Variants in GRIA4 observed in about 807,000 individuals in gnomAD.
The protein encoded by GRIA4 is glutamate receptor 4.
A neutral mutation model predicts 104.0 loss-of-function variants in GRIA4; 34 were observed. That is an observed-to-expected ratio of 0.33 (90% CI 0.25 to 0.44). The LOEUF (loss-of-function observed/expected upper bound fraction) is 0.44, where lower values mean the gene tolerates loss of function less well. GRIA4 is among the 20% of genes least tolerant of loss of function. GRIA4 has a pLI of 1.00. For synonymous variants in GRIA4, 386 were observed against 381.9 expected (o/e 1.01, Z -0.13); for missense variants, 750 against 1,096.5 (o/e 0.68, Z 4.46).
chr11:105,796,956 G>C (rs185946128), intron 4 of GRIA4, among the ~76,000 whole-genome samples: 1 of 152,094 alleles, frequency 6.6e-6, no homozygotes, highest in African/African-American at 2.4e-5. Flanking sequence ...CGCTGGCCAG[G>C]CATGGTGGCT....
chr11:105,801,295 A>G (rs957587536), intron 4 of GRIA4, among the ~76,000 whole-genome samples: 2 of 151,802 alleles, frequency 1.3e-5, no homozygotes, highest in African/African-American at 4.8e-5. Context: ...TTAGATTGTG[A>G]TATTGAATGT....
intron 14 of GRIA4, among the ~76,000 whole-genome samples, chr11:105,953,149 A>T (rs940980178): frequency 6.6e-6 from 1 of 152,252 alleles, no homozygotes; most frequent in African/African-American, 2.4e-5. Context: ...CTACTCTTCG[A>T]GGCTAAATAG....
chr11:105,849,747 T>C (rs1944730318), intron 4 of GRIA4, among the ~76,000 whole-genome samples: 1 of 152,184 alleles, frequency 6.6e-6, no homozygotes, highest in South Asian at 2.1e-4. Context: ...TCCTTTTCTT[T>C]CTGCAAGCTT....
At chr11:105,932,047 C>CT (rs199671973) in intron 13 of GRIA4, among the ~76,000 whole-genome samples, 8,879 of 144,702 alleles carry the variant, frequency 0.061, 326 homozygotes, top group Middle Eastern at 0.12. Context: ...GAGGTCTTCA[C>CT]TTTTTTTTTT....
intron 5 of GRIA4, among the ~76,000 whole-genome samples, chr11:105,883,276 C>CTTT (rs57069838): frequency 7.2e-6 from 1 of 138,146 alleles, no homozygotes; most frequent in South Asian, 2.3e-4. Context: ...TGCACCGTTT[C>CTTT]TTTTTTTTTT....
chr11:105,905,445 A>G (rs1182165603), intron 9 of GRIA4, 144 bp downstream of exon 9: 2 of 582,874 alleles, frequency 3.4e-6, no homozygotes, highest in Non-Finnish European at 6.1e-6. Context: ...TTTATAATCA[A>G]TGCTGTGATA....
intron 7 of GRIA4, among the ~76,000 whole-genome samples, chr11:105,900,655 C>T (rs988926159): frequency 2.0e-5 from 3 of 152,086 alleles, no homozygotes; most frequent in Admixed American, 6.5e-5. Context: ...GTCGCGATCT[C>T]GCCCCTCACT....
chr11:105,930,278 C>G (rs1711529471), intron 13 of GRIA4, among the ~76,000 whole-genome samples: 1 of 152,072 alleles, frequency 6.6e-6, no homozygotes, highest in Non-Finnish European at 1.5e-5. Context: ...TCCCATTGTC[C>G]TGTGTATATG....
At chr11:105,788,215 A>G (rs1307592526) in intron 4 of GRIA4, among the ~76,000 whole-genome samples, 1 of 152,192 alleles carries the variant, frequency 6.6e-6, no homozygotes, top group African/African-American at 2.4e-5. Context: ...GATAACTAAG[A>G]CATTTTATTA....
At chr11:105,809,807 T>C (rs1199043768) in intron 4 of GRIA4, among the ~76,000 whole-genome samples, 1 of 152,128 alleles carries the variant, frequency 6.6e-6, no homozygotes, top group Non-Finnish European at 1.5e-5. Flanking sequence ...AGTGTGAGAA[T>C]GGACTAGTAC....
chr11:105,942,109 A>C (rs962046724), intron 14 of GRIA4, among the ~76,000 whole-genome samples: 1 of 152,048 alleles, frequency 6.6e-6, no homozygotes, highest in Non-Finnish European at 1.5e-5. Flanking sequence ...TTAAAATGAA[A>C]CCGTGTATCC....
intron 5 of GRIA4, among the ~76,000 whole-genome samples, chr11:105,867,773 TAAG>T (rs1945479474): frequency 6.6e-6 from 1 of 152,180 alleles, no homozygotes; most frequent in Non-Finnish European, 1.5e-5. Flanking sequence ...GCTATAGTTA[TAAG>T]GAGGAGGAGT....
intron 9 of GRIA4, among the ~76,000 whole-genome samples, chr11:105,908,177 A>T (rs547663295): frequency 6.6e-6 from 1 of 152,270 alleles, no homozygotes; most frequent in South Asian, 2.1e-4. Context: ...ATTTTCTCAC[A>T]TATCTTAGTA....
At chr11:105,643,136 G>A (rs555760705) in intron 3 of GRIA4, among the ~76,000 whole-genome samples, 1 of 152,258 alleles carries the variant, frequency 6.6e-6, no homozygotes, top group South Asian at 2.1e-4. Flanking sequence ...CCCATGACAA[G>A]TGGAGATTAT....
intron 10 of GRIA4, among the ~76,000 whole-genome samples, chr11:105,915,337 G>C (rs1256779498): frequency 6.6e-6 from 1 of 152,102 alleles, no homozygotes; most frequent in Non-Finnish European, 1.5e-5. Flanking sequence ...TCTAGTCTTT[G>C]TTGGTTTGCT....
chr11:105,756,620 C>T (rs12284317), intron 4 of GRIA4, among the ~76,000 whole-genome samples: 20,014 of 150,668 alleles, frequency 0.13, 1,425 homozygotes, highest in Admixed American at 0.22. Context: ...GTTTTAATAA[C>T]TCAGAAAAAA....
chr11:105,680,150 T>C (rs1952663373), intron 3 of GRIA4, among the ~76,000 whole-genome samples: 2 of 152,104 alleles, frequency 1.3e-5, no homozygotes, highest in Admixed American at 6.6e-5. Context: ...ATCATTGCTA[T>C]GTCACCTGGT....
At chr11:105,979,408 A>C (rs1028162133) in intron 16 of GRIA4, among the ~76,000 whole-genome samples, 167 bp from the exon 17 acceptor site, 2 of 152,216 alleles carry the variant, frequency 1.3e-5, no homozygotes, top group African/African-American at 4.8e-5. Flanking sequence ...GGTGTAGTTA[A>C]GCTTTCCTTT....
At chr11:105,650,655 A>C (rs1358170728) in intron 3 of GRIA4, among the ~76,000 whole-genome samples, 4 of 152,190 alleles carry the variant, frequency 2.6e-5, no homozygotes, top group African/African-American at 9.6e-5. Flanking sequence ...CTTTTTAAAA[A>C]TATGAATTCC....
Sources: gnomAD v4.1 joint callset for allele counts (sites outside exome capture counted in the v4.1 genomes callset) on GRCh38, gnomAD v4.1.1 for gene constraint, MANE v1.5 for transcripts, NCBI Gene and HGNC (gene_info 2026-07-23, HGNC 2026-07-21) for gene names.